The following PEX10 variants were observed in gnomAD, a reference collection of about 807,000 sequenced individuals.
PEX10 encodes the protein peroxisome biogenesis factor 10.
A neutral mutation model predicts 38.0 loss-of-function variants in PEX10; 32 were observed. The observed-to-expected ratio is 0.84, with a 90% CI of 0.63 to 1.13. The LOEUF (loss-of-function observed/expected upper bound fraction) is 1.13. PEX10 is among the 50% of genes most tolerant of loss of function. The probability of loss-of-function intolerance (pLI) is 0.00; values close to 1 mark genes in which losing one functional copy is unlikely to be tolerated. For missense variants in PEX10, 483 were observed against 457.7 expected (o/e 1.06, Z -0.51); for synonymous variants, 206 against 207.3 (o/e 0.99, Z 0.05).
intron 4 of PEX10, 29 bp downstream of exon 4, chr1:2,406,691 C>T: frequency 6.2e-7 from 1 of 1,609,796 alleles, no homozygotes; most frequent in Admixed American, 1.7e-5. Context: ...AGGACACCCC[C>T]AGCCCCCATG....
At chr1:2,411,971 G>GGTAT (rs1484192329) in intron 1 of PEX10, among the ~76,000 whole-genome samples, 1 of 152,244 alleles carries the variant, frequency 6.6e-6, no homozygotes, top group East Asian at 1.9e-4. Flanking sequence ...ACCGGACCGA[G>GGTAT]GTATGAGGCG....
chr1:2,410,502 G>C lies in PEX10; in HGVS notation c.113-51C>G. The C allele has an allele frequency of 1.3e-6, 2 of 1,531,906 alleles. No individual in the cohort carries two copies. Among genetic ancestry groups the C allele is most frequent in the Non-Finnish European group, 1.8e-6 (2 of 1,110,618 alleles). The allele number at this position is 1,531,906 out of a possible 1,614,324, so 94.9% of individuals were successfully genotyped here. On this transcript the variant is annotated intron_variant, in intron 1 of 5. Coordinates refer to ENST00000447513, the MANE Select transcript of PEX10 (RefSeq NM_002617.4). The surrounding 1 kb of genome is among the most constrained non-coding windows in gnomAD (Gnocchi z 5.1). Reference sequence around the variant, plus strand: ...GGGGGAGCTGGTGGGCATCCTCTGAGGATGAGGGACCACAGTCCTCCCCCA... The same window carrying C: ...GGGGGAGCTGGTGGGCATCCTCTGACGATGAGGGACCACAGTCCTCCCCCA...
At chr1:2,407,930 T>G in intron 3 of PEX10, among the ~76,000 whole-genome samples, 1 of 139,904 alleles carries the variant, frequency 7.1e-6, no homozygotes, top group African/African-American at 2.7e-5. Flanking sequence ...GGGCATCAGC[T>G]GGGGGTCAGG....
In PEX10 at chr1:2,403,980, T is replaced by C. The variant is rs556407612; in HGVS notation, c.*1786A>G. 2.0e-5 allele frequency: 3 copies of C among 152,364 alleles called. No individual in the cohort carries two copies. Among genetic ancestry groups the C allele is most frequent in the Non-Finnish European group, 2.9e-5 (2 of 68,024 alleles). 9.4% of individuals were successfully genotyped at this position (152,364 alleles called of 1,614,324 possible). ...CTCTCAACGTTTTACCAAGTGATTT[T>C]ACCTCCACCTTTACTAAAGTCTTTA... On this transcript the variant is annotated 3_prime_UTR_variant, in exon 6 of 6. Coordinates refer to ENST00000447513, the MANE Select transcript of PEX10 (RefSeq NM_002617.4).
chr1:2,413,616 G>A (rs963834329), upstream of PEX10: 3 of 152,456 alleles, frequency 2.0e-5, no homozygotes, highest in African/African-American at 7.2e-5. Flanking sequence ...TGCAGGGCAG[G>A]TGAAGGAGAA....
Position 2,410,845 on chromosome 1 carries a change from CATCT to C in PEX10, c.113-398_113-395del. 2 of 461,020 alleles carry C rather than the reference CATCT, an allele frequency of 4.3e-6. No individual in the cohort carries two copies. 28.6% of individuals were successfully genotyped at this position (461,020 alleles called of 1,614,324 possible). On this transcript the variant is annotated intron_variant, in intron 1 of 5. Coordinates refer to ENST00000447513, the MANE Select transcript of PEX10 (RefSeq NM_002617.4). This position sits in a 1 kb window ranked among gnomAD's most constrained non-coding sequence, Gnocchi z 5.1. Reference sequence around the variant, plus strand: ...GGTCTTTCTGGAATCTCAATTTGCTCATCTATCAGAAGAGTAATAAGTCCTACTT... The same window carrying C: ...GGTCTTTCTGGAATCTCAATTTGCTCATCAGAAGAGTAATAAGTCCTACTT...
At chr1:2,407,473 A>G (rs989096257) in intron 3 of PEX10, among the ~76,000 whole-genome samples, 1 of 152,224 alleles carries the variant, frequency 6.6e-6, no homozygotes, top group African/African-American at 2.4e-5. Context: ...CAGAGGTGGC[A>G]GGTCACACCG....
chr1:2,406,687 C>T (rs3795269), intron 4 of PEX10, 33 bp downstream of exon 4: 28 of 1,608,032 alleles, frequency 1.7e-5, no homozygotes, highest in Non-Finnish European at 2.4e-5. Flanking sequence ...GCCCAGGACA[C>T]CCCCAGCCCC....
upstream of PEX10, chr1:2,412,637 CTG>C: frequency 1.5e-6 from 1 of 676,270 alleles, no homozygotes. Flanking sequence ...CGGGGCCGGA[CTG>C]GGGCTGGAGG....
rs2100435520 is a variant in PEX10, at chr1:2,410,645, A to G, written c.113-194T>C. ...CTTGACTTGCCTTAGCGTGAGCTGC[A>G]GACAGTCTGCGAAGAATCTCCCACC... is the stretch of plus-strand genomic sequence containing the variant. On this transcript the variant is annotated intron_variant, in intron 1 of 5. Coordinates refer to ENST00000447513, the MANE Select transcript of PEX10 (RefSeq NM_002617.4). This position sits in a 1 kb window ranked among gnomAD's most constrained non-coding sequence, Gnocchi z 5.1. 6.2e-6 allele frequency: 4 copies of G among 642,694 alleles called. No homozygotes were observed. Among genetic ancestry groups the G allele is most frequent in the South Asian group, 6.2e-5 (4 of 64,270 alleles). 39.8% of individuals were successfully genotyped at this position (642,694 alleles called of 1,614,324 possible).
upstream of PEX10, chr1:2,413,486 T>C (rs9424320): frequency 0.13 from 20,446 of 151,794 alleles, 1,489 homozygotes; most frequent in Middle Eastern, 0.29. Flanking sequence ...GAGCTGGGGG[T>C]GGGAAGGGCT....
In PEX10 at chr1:2,408,579, C is replaced by T. The variant is rs1570105743; in HGVS notation, c.473G>A (p.Arg158Lys). 1 of 1,612,056 alleles carries T rather than the reference C, an allele frequency of 6.2e-7. No homozygotes were observed. Among genetic ancestry groups the T allele is most frequent in the Non-Finnish European group, 8.5e-7 (1 of 1,179,956 alleles). ...HTATLTEQQRRALLRAVFVLR... is the reference protein window; with the variant it reads ...HTATLTEQQRKALLRAVFVLR... ...GACGAAGACCGCCCGCAGCAGCGCC[C>T]TCCTCTGCTGCTCAGTCAGGGTGGC... is the stretch of plus-strand genomic sequence containing the variant. The change falls in exon 3 of 6, where the codon AGG becomes AAG. Residue 158 changes from arginine (R) to lysine (K), a missense_variant. Transcript: ENST00000447513.
chr1:2,408,370 G>A, intron 3 of PEX10, 82 bp downstream of exon 3: 1 of 1,475,778 alleles, frequency 6.8e-7, no homozygotes, highest in South Asian at 1.1e-5. Flanking sequence ...GGCCTGGAGG[G>A]CCAGCTCTGT....
At chr1:2,412,774 G>C (rs1643306557), upstream of PEX10, among the ~76,000 whole-genome samples, 1 of 151,850 alleles carries the variant, frequency 6.6e-6, no homozygotes, top group Non-Finnish European at 1.5e-5. Context: ...GAGCCGAGGT[G>C]GGGGCGGGGC....
intron 5 of PEX10, 81 bp from the exon 6 acceptor site, chr1:2,405,915 A>G: frequency 2.8e-6 from 3 of 1,065,746 alleles, no homozygotes; most frequent in Non-Finnish European, 4.2e-6. Context: ...TTTCCTGTCC[A>G]CATTCTCTGC....
rs994409991 is a variant in PEX10, at chr1:2,405,398, T to G, written c.*368A>C. 2.3e-5 allele frequency: 9 copies of G among 392,122 alleles called. No homozygotes were observed. The highest frequency in any genetic ancestry group is 1.9e-4 in the African/African-American group (9 of 48,170). The allele number at this position is 392,122 out of a possible 1,614,324, so 24.3% of individuals were successfully genotyped here. On this transcript the variant is annotated 3_prime_UTR_variant, in exon 6 of 6. Coordinates refer to ENST00000447513, the MANE Select transcript of PEX10 (RefSeq NM_002617.4). Reference sequence around the variant, plus strand: ...CTTAACACAAGCCTGATGGGGCTGTTTTCTCACAATATAAACGAATAAAGT... The same window carrying G: ...CTTAACACAAGCCTGATGGGGCTGTGTTCTCACAATATAAACGAATAAAGT...
At chr1:2,406,957 T>C (rs1434977063) in intron 3 of PEX10, 62 bp from the exon 4 acceptor site, 2 of 1,569,574 alleles carry the variant, frequency 1.3e-6, no homozygotes, top group African/African-American at 1.4e-5. Context: ...CAGCGCCTGC[T>C]GGGAGGGTCA....
rs1643163156 is a variant in PEX10, at chr1:2,410,709, G to C, written c.113-258C>G. 3 of 573,564 alleles carry C rather than the reference G, an allele frequency of 5.2e-6. No individual in the cohort carries two copies. The highest frequency in any genetic ancestry group is 4.6e-5 in the South Asian group (3 of 65,608). The allele number at this position is 573,564 out of a possible 1,614,324, so 35.5% of individuals were successfully genotyped here. A position where few individuals can be genotyped will look rare whatever the true frequency, so the allele number is the denominator to read the frequency against. ...TGCTCCGGGATTCCCCTGAGCAACTGTTCTAGGGCCTATGAGGGCCACATG... is the reference window on the plus strand; with the variant it reads ...TGCTCCGGGATTCCCCTGAGCAACTCTTCTAGGGCCTATGAGGGCCACATG... On this transcript the variant is annotated intron_variant, in intron 1 of 5. Coordinates refer to ENST00000447513, the MANE Select transcript of PEX10 (RefSeq NM_002617.4). This position sits in a 1 kb window ranked among gnomAD's most constrained non-coding sequence, Gnocchi z 5.1.
rs764948458 is a variant in PEX10, at chr1:2,408,606, G to A, written c.446C>T (p.Thr149Met). 26 of 1,611,194 alleles carry A rather than the reference G, an allele frequency of 1.6e-5. No individual in the cohort carries two copies. The highest frequency in any genetic ancestry group is 9.3e-5 in the African/African-American group (7 of 74,932). Residue 149 changes from threonine (T) to methionine (M), a missense_variant, in exon 3 of 6, where the codon ACG becomes ATG. Transcript: ENST00000447513. ...SGARRWMRHHTATLTEQQRRA... is the reference protein window; with the variant it reads ...SGARRWMRHHMATLTEQQRRA... ...CCTCTGCTGCTCAGTCAGGGTGGCC[G>A]TGTGGTGACGCATCCAGCGCCGCGC...
Sources: gnomAD v4.1 joint callset for allele counts (sites outside exome capture counted in the v4.1 genomes callset) on GRCh38, gnomAD v4.1.1 for gene constraint, Gnocchi (gnomAD v3.1) non-coding constraint, MANE v1.5 for transcripts, NCBI Gene and HGNC (gene_info 2026-07-23, HGNC 2026-07-21) for gene names.